Variants in GALNT18 observed in about 807,000 individuals in gnomAD.
GALNT18 encodes GalNAc-transferase 18.
GALNT18 carries 44 observed loss-of-function variants against 69.5 expected under a neutral mutation model. The observed-to-expected ratio is 0.63, with a 90% confidence interval of 0.50 to 0.81. The LOEUF is 0.81. Among genes scored for constraint, GALNT18 ranks in the 40% least tolerant of loss-of-function variants. The probability of loss-of-function intolerance (pLI) is 0.00; values close to 1 mark genes in which losing one functional copy is unlikely to be tolerated. For synonymous variants in GALNT18, 364 were observed against 318.2 expected, an observed-to-expected ratio of 1.14 and a Z score of -1.53; for missense variants, 715 against 810.0, an observed-to-expected ratio of 0.88 and a Z score of 1.42.
chr11:11,529,648 C>CACAG (rs1564996200), intron 1 of GALNT18, among the ~76,000 whole-genome samples: 10 of 152,144 alleles, frequency 6.6e-5, no homozygotes, highest in South Asian at 2.1e-4. Flanking sequence ...TACACACACA[C>CACAG]ACACACACAG....
At chr11:11,467,960 A>G (rs1471610429) in intron 1 of GALNT18, among the ~76,000 whole-genome samples, 3 of 152,198 alleles carry the variant, frequency 2.0e-5, no homozygotes, top group African/African-American at 7.2e-5. Context: ...GATTCTAGGG[A>G]AGAAGGTCTG....
At chr11:11,273,361 C>A (rs1589994314) in intron 10 of GALNT18, among the ~76,000 whole-genome samples, 1 of 151,946 alleles carries the variant, frequency 6.6e-6, no homozygotes, top group African/African-American at 2.4e-5. Context: ...AGCAAGAAGG[C>A]AAAAAATCCA....
chr11:11,425,881 T>C (rs951154686), intron 3 of GALNT18, among the ~76,000 whole-genome samples: 9 of 152,226 alleles, frequency 5.9e-5, no homozygotes, highest in African/African-American at 2.2e-4. Context: ...GAGATGCCTC[T>C]ATTGACTGAA....
chr11:11,617,330 T>C lies in GALNT18; in HGVS notation c.235+4029A>G, dbSNP rs1860078961. On this transcript the variant is annotated intron_variant, in intron 1 of 10. Coordinates refer to ENST00000227756, the MANE Select transcript of GALNT18 (RefSeq NM_198516.3). The surrounding 1 kb of genome is among the most constrained non-coding windows in gnomAD (Gnocchi z 4.7). ...TTGTCCTTTGAAAACAAGTCCGCTA[T>C]GACAAGGACCAAGAGTGCCCATACT... Among the ~76,000 whole-genome samples, 1 of 152,364 alleles carries C rather than the reference T, an allele frequency of 6.6e-6. No individual in the cohort carries two copies. The highest frequency in any genetic ancestry group is 1.9e-4 in the East Asian group (1 of 5,190).
rs555384471 is a variant in GALNT18, at chr11:11,621,749, A to T, written c.-156T>A. ...CCAAAGCCCGGTCCGCTGCCGGTGT[A>T]GCCGCCGTGCCCAAGTTTGCAGCTC... is the stretch of plus-strand genomic sequence containing the variant. On this transcript the variant is annotated 5_prime_UTR_variant, in exon 1 of 11. Transcript: ENST00000227756. The surrounding 1 kb of genome is among the most constrained non-coding windows in gnomAD (Gnocchi z 9.3). The T allele has an allele frequency of 5.2e-5, 32 of 612,500 alleles. No homozygotes were observed. In the Admixed American group the frequency reaches 7.0e-4, roughly 13 times the overall value. 37.9% of individuals were successfully genotyped at this position (612,500 alleles called of 1,614,324 possible). A position where few individuals can be genotyped will look rare whatever the true frequency, so the allele number is the denominator to read the frequency against.
intron 1 of GALNT18, among the ~76,000 whole-genome samples, chr11:11,491,816 G>A (rs564333376): frequency 1.4e-4 from 21 of 152,252 alleles, no homozygotes; most frequent in African/African-American, 3.6e-4. Flanking sequence ...AGGTGCGGAC[G>A]GGGACCTCTG....
intron 9 of GALNT18, among the ~76,000 whole-genome samples, chr11:11,306,212 T>G (rs1849575111): frequency 1.1e-5 from 1 of 91,022 alleles, no homozygotes; most frequent in Admixed American, 1.6e-4. Flanking sequence ...TGTGTGTGTG[T>G]CTGTGTGTGC....
chr11:11,508,061 T>C (rs1256759761), intron 1 of GALNT18, among the ~76,000 whole-genome samples: 1 of 152,222 alleles, frequency 6.6e-6, no homozygotes, highest in Non-Finnish European at 1.5e-5. Flanking sequence ...TTAACATTGA[T>C]AGACCTATTA....
chr11:11,286,969 C>T (rs1849207162), intron 10 of GALNT18, among the ~76,000 whole-genome samples: 1 of 152,188 alleles, frequency 6.6e-6, no homozygotes, highest in Admixed American at 6.5e-5. Flanking sequence ...CCCAGCCCAA[C>T]TCCACTGACA....
intron 10 of GALNT18, among the ~76,000 whole-genome samples, chr11:11,287,957 G>A (rs1162884929): frequency 6.6e-6 from 1 of 152,136 alleles, no homozygotes; most frequent in East Asian, 1.9e-4. Context: ...AGTCCTCCCT[G>A]ATAGCTGCAT....
rs1191578940 is a variant in GALNT18 at position 11,404,026 on chromosome 11, G to A, written c.596-24762C>T. Among the ~76,000 whole-genome samples the A allele has an allele frequency of 6.6e-6, 1 of 152,202 alleles. No homozygotes were observed. Among genetic ancestry groups the A allele is most frequent in the African/African-American group, 2.4e-5 (1 of 41,452 alleles). On this transcript the variant is annotated intron_variant, in intron 3 of 10. Coordinates refer to ENST00000227756, the MANE Select transcript of GALNT18 (RefSeq NM_198516.3). This position sits in a 1 kb window ranked among gnomAD's most constrained non-coding sequence, Gnocchi z 4.5. ...GTCATGTGCAGTGGGCAGGATCCAG[G>A]CAGCCTGGCTCTTCTGAGGGAGCTG...
At chr11:11,519,854 A>G (rs1857356327) in intron 1 of GALNT18, among the ~76,000 whole-genome samples, 1 of 152,210 alleles carries the variant, frequency 6.6e-6, no homozygotes, top group Non-Finnish European at 1.5e-5. Flanking sequence ...TAGCAGGTAT[A>G]TAAAGTCTGT....
Position 11,540,434 on chromosome 11 carries a change from C to T in GALNT18, c.235+80925G>A, listed in dbSNP as rs996147168. Among the ~76,000 whole-genome samples the T allele has an allele frequency of 1.3e-5, 2 of 152,118 alleles. No individual in the cohort carries two copies. The highest frequency in any genetic ancestry group is 2.4e-5 in the African/African-American group (1 of 41,416). On this transcript the variant is annotated intron_variant, in intron 1 of 10. Transcript: ENST00000227756. This position sits in a 1 kb window ranked among gnomAD's most constrained non-coding sequence, Gnocchi z 4.6. ...CACACCGTGTGTACTGAAGGGCTGG[C>T]AGAGCTGCAGGTGATACCTTGCCAA...
At chr11:11,565,656 C>G (rs1331962826) in intron 1 of GALNT18, among the ~76,000 whole-genome samples, 2 of 152,160 alleles carry the variant, frequency 1.3e-5, no homozygotes, top group Non-Finnish European at 2.9e-5. Context: ...TTATATTAGG[C>G]ACCAAGGAGA....
chr11:11,339,434 T>A lies in GALNT18; in HGVS notation c.1278+1385A>T, dbSNP rs1850164298. On this transcript the variant is annotated intron_variant, in intron 7 of 10. Transcript: ENST00000227756. This position sits in a 1 kb window ranked among gnomAD's most constrained non-coding sequence, Gnocchi z 5.2. ...GGGTACAGAGAGAAGGCAGTAAGAG[T>A]ATGCTCACTCACCAGTCCTAAGCAG... Among the ~76,000 whole-genome samples, 1 of 151,888 alleles carries A rather than the reference T, an allele frequency of 6.6e-6. No homozygotes were observed. The highest frequency in any genetic ancestry group is 1.5e-5 in the Non-Finnish European group (1 of 67,990).
chr11:11,460,100 G>C (rs545375059), intron 1 of GALNT18, among the ~76,000 whole-genome samples: 2 of 152,288 alleles, frequency 1.3e-5, no homozygotes, highest in African/African-American at 4.8e-5. Flanking sequence ...GGTTGCGTTA[G>C]GCACACCTGG....
intron 9 of GALNT18, among the ~76,000 whole-genome samples, chr11:11,304,694 T>C (rs1849550816): frequency 6.6e-6 from 1 of 152,226 alleles, no homozygotes; most frequent in Admixed American, 6.5e-5. Context: ...TTCCCCTCCC[T>C]ACTGAGCTAT....
rs1189952593 is a variant in GALNT18, at chr11:11,480,250, T to G, written c.236-31314A>C. Among the ~76,000 whole-genome samples the G allele has an allele frequency of 1.3e-5, 2 of 151,544 alleles. No individual in the cohort carries two copies. Among genetic ancestry groups the G allele is most frequent in the South Asian group, 2.1e-4 (1 of 4,800 alleles). On this transcript the variant is annotated intron_variant, in intron 1 of 10. Coordinates refer to ENST00000227756, the MANE Select transcript of GALNT18 (RefSeq NM_198516.3). This position sits in a 1 kb window ranked among gnomAD's most constrained non-coding sequence, Gnocchi z 4.6. ...TTTATTTCTTTCTTTCTTCCTTCCT[T>G]CCTCTCTCTCTCTCTTTCTCTCTCT...
rs145474962 is a variant in GALNT18 at position 11,358,751 on chromosome 11, T to G, written c.1092+13764A>C. ...TTACCCCACCACAGCAGCTGAAGGATAATGCTAAAGGGATTCCAATTCATG... is the reference window on the plus strand; with the variant it reads ...TTACCCCACCACAGCAGCTGAAGGAGAATGCTAAAGGGATTCCAATTCATG... On this transcript the variant is annotated intron_variant, in intron 6 of 10. Transcript: ENST00000227756. Among the ~76,000 whole-genome samples the G allele has an allele frequency of 1.5e-4, 21 of 137,106 alleles. No individual in the cohort carries two copies. In the East Asian group the frequency reaches 4.1e-3, roughly 27 times the overall value. 89.9% of individuals were successfully genotyped at this position (137,106 alleles called of 152,430 possible).
Sources: allele counts gnomAD v4.1 joint callset (sites outside exome capture counted in the v4.1 genomes callset), GRCh38; gene constraint gnomAD v4.1.1; non-coding constraint Gnocchi (gnomAD v3.1); transcripts MANE v1.5; gene names NCBI Gene and HGNC (gene_info 2026-07-23, HGNC 2026-07-21).